The following JOSD2 variants were observed in gnomAD, a reference collection of about 807,000 sequenced individuals.
JOSD2 encodes josephin-2.
In JOSD2, 20 loss-of-function variants were observed where a neutral mutation model predicts 19.3. That is an observed-to-expected ratio of 1.04 (90% CI 0.73 to 1.51). The LOEUF is 1.51. Among genes scored for constraint, JOSD2 ranks in the 40% most tolerant of loss-of-function variants. The pLI, the probability that JOSD2 is intolerant of heterozygous loss-of-function variation, is 0.00. For synonymous variants in JOSD2, 118 were observed against 123.7 expected (o/e 0.95, Z 0.31); for missense variants, 215 against 250.4 (o/e 0.86, Z 0.95).
intron 3 of JOSD2, among the ~76,000 whole-genome samples, chr19:50,507,258 A>C (rs1979430945): frequency 7.0e-6 from 1 of 141,998 alleles, no homozygotes; most frequent in African/African-American, 2.7e-5. Flanking sequence ...CCAGCCGGCC[A>C]TCAAAACTTC....
intron 1 of JOSD2, among the ~76,000 whole-genome samples, chr19:50,510,896 C>G (rs974466027): frequency 9.2e-5 from 14 of 152,034 alleles, no homozygotes; most frequent in African/African-American, 2.7e-4. Flanking sequence ...CCCCTCTGGT[C>G]TCCTAGCAAC....
chr19:50,509,021 G>C (rs1225551099), intron 2 of JOSD2, among the ~76,000 whole-genome samples: 1 of 151,906 alleles, frequency 6.6e-6, no homozygotes, highest in Non-Finnish European at 1.5e-5. Flanking sequence ...CCATGGGCAG[G>C]CTGGGCAGGA....
At chr19:50,507,789 GC>G in intron 2 of JOSD2, 90 bp from the exon 3 acceptor site, 1 of 1,486,454 alleles carries the variant, frequency 6.7e-7, no homozygotes, top group Non-Finnish European at 9.1e-7. Context: ...AGTTGCCTCA[GC>G]CTTTGACTCT....
Position 50,506,056 on chromosome 19 carries a change from G to A in JOSD2, c.*117C>T. 1.1e-6 allele frequency: 1 copy of A among 912,090 alleles called. No individual in the cohort carries two copies. Among genetic ancestry groups the A allele is most frequent in the African/African-American group, 1.7e-5 (1 of 60,590 alleles). 56.5% of individuals were successfully genotyped at this position (912,090 alleles called of 1,614,324 possible). On this transcript the variant is annotated 3_prime_UTR_variant, in exon 5 of 5. Coordinates refer to ENST00000598418, the MANE Select transcript of JOSD2 (RefSeq NM_001270639.2). ...CGGCAGTGGGGAGCAGGGGTGTGGG[G>A]AGGGGGCGGGGCCTCCCCAGGGTCC...
chr19:50,507,302 T>C (rs564138499), intron 3 of JOSD2, among the ~76,000 whole-genome samples: 138 of 151,712 alleles, frequency 9.1e-4, no homozygotes, highest in African/African-American at 3.2e-3. Context: ...GCCTCCTGTC[T>C]GCTGCCCATT....
chr19:50,507,254 G>A (rs1248585378), intron 3 of JOSD2, among the ~76,000 whole-genome samples: 2 of 145,624 alleles, frequency 1.4e-5, no homozygotes, highest in African/African-American at 2.6e-5. Flanking sequence ...CTGGCCAGCC[G>A]GCCATCAAAA....
At chr19:50,510,066 A>AAAAAAAAAAAAG in intron 2 of JOSD2, 1 of 472,942 alleles carries the variant, frequency 2.1e-6, no homozygotes, top group Non-Finnish European at 3.8e-6. Context: ...AAAAAAAAAA[A>AAAAAAAAAAAAG]AGAAAGAACC....
intron 1 of JOSD2, 92 bp from the exon 2 acceptor site, chr19:50,510,540 G>A: frequency 7.9e-7 from 1 of 1,262,794 alleles, no homozygotes; most frequent in Non-Finnish European, 1.1e-6. Flanking sequence ...CATTGATTGA[G>A]CTGGGACTCG....
chr19:50,506,036 G>A lies in JOSD2; in HGVS notation c.*137C>T, dbSNP rs1979301470. 2 of 740,872 alleles carry A rather than the reference G, an allele frequency of 2.7e-6. No homozygotes were observed. Among genetic ancestry groups the A allele is most frequent in the Non-Finnish European group, 4.4e-6 (2 of 454,010 alleles). 45.9% of individuals were successfully genotyped at this position (740,872 alleles called of 1,614,324 possible). A position where few individuals can be genotyped will look rare whatever the true frequency, so the allele number is the denominator to read the frequency against. ...CAGATTTATTGAGGCAGCAGCGGCA[G>A]TGGGGAGCAGGGGTGTGGGGAGGGG... On this transcript the variant is annotated 3_prime_UTR_variant, in exon 5 of 5. Coordinates refer to ENST00000598418, the MANE Select transcript of JOSD2 (RefSeq NM_001270639.2).
chr19:50,506,970 C>A (rs1168509421), intron 3 of JOSD2, among the ~76,000 whole-genome samples: 1 of 151,270 alleles, frequency 6.6e-6, no homozygotes, highest in Non-Finnish European at 1.5e-5. Flanking sequence ...GCCAACTTCC[C>A]AATGACGATT....
At chr19:50,507,468 G>GC in intron 3 of JOSD2, 106 bp downstream of exon 3, 1 of 1,450,394 alleles carries the variant, frequency 6.9e-7, no homozygotes, top group Non-Finnish European at 9.2e-7. Context: ...CCACATTCAT[G>GC]CCAACCTCCC....
At chr19:50,507,500 C>T in intron 3 of JOSD2, 74 bp downstream of exon 3, 1 of 1,507,808 alleles carries the variant, frequency 6.6e-7, no homozygotes. Flanking sequence ...CCCCTCCCTG[C>T]CCCCCAACAG....
At position 50,511,160 on chromosome 19, in the gene JOSD2, C is replaced by T. The variant is rs1030659078; in HGVS notation, c.-61G>A. 4.5e-6 allele frequency: 2 copies of T among 448,626 alleles called. No individual in the cohort carries two copies. The highest frequency in any genetic ancestry group is 2.0e-5 in the African/African-American group (1 of 49,286). The allele number at this position is 448,626 out of a possible 1,614,324, so 27.8% of individuals were successfully genotyped here. Reference sequence around the variant, plus strand: ...CCACCGAGCCAGGGGTTTCCGCATCCCCTTCCTGGGCGGCGGCTCTGGGCT... The same window carrying T: ...CCACCGAGCCAGGGGTTTCCGCATCTCCTTCCTGGGCGGCGGCTCTGGGCT... On this transcript the variant is annotated 5_prime_UTR_variant, in exon 1 of 5. Transcript: ENST00000598418.
chr19:50,507,596 C>A lies in JOSD2; in HGVS notation c.250G>T (p.Ala84Ser). 1.2e-6 allele frequency: 2 copies of A among 1,607,622 alleles called. No individual in the cohort carries two copies. Among genetic ancestry groups the A allele is most frequent in the African/African-American group, 1.3e-5 (1 of 75,022 alleles). Reference protein sequence around the residue: ...MAALQGLGLAAVWWDRRRPLS... With the variant: ...MAALQGLGLASVWWDRRRPLS... ...TACCTCCTCCTGTCCCACCACACGG[C>A]GGCCAGGCCCAGCCCCTGCAGAGCG... The change falls in exon 3 of 5, where the codon GCC becomes TCC. Residue 84 changes from alanine (A) to serine (S), a missense_variant. Physicochemically the swap from Ala to Ser is moderately conservative, Grantham distance 99 (BLOSUM62 1). Coordinates refer to ENST00000598418, the MANE Select transcript of JOSD2 (RefSeq NM_001270639.2).
At chr19:50,509,737 C>G (rs1356784260) in intron 2 of JOSD2, among the ~76,000 whole-genome samples, 1 of 151,770 alleles carries the variant, frequency 6.6e-6, no homozygotes, top group African/African-American at 2.4e-5. Context: ...GAGTTCAAGA[C>G]CAGCCAGACC....
chr19:50,509,810 T>G (rs563061133), intron 2 of JOSD2, among the ~76,000 whole-genome samples: 1 of 151,338 alleles, frequency 6.6e-6, no homozygotes, highest in Admixed American at 6.6e-5. Context: ...TCCTAGCACT[T>G]TGGGAGGCCG....
chr19:50,510,499 C>A, intron 1 of JOSD2, 51 bp from the exon 2 acceptor site: 1 of 1,500,852 alleles, frequency 6.7e-7, no homozygotes, highest in South Asian at 1.3e-5. Context: ...ATCTAGAGGT[C>A]CAGCCTCCCA....
In JOSD2 at chr19:50,506,467, C is replaced by G; in HGVS notation, c.378G>C (p.Trp126Cys). ...LLSLPLRRRH[W>C]VALRQVDGVY... The stretch of plus-strand genomic sequence containing the variant: ...CACCGTCCACCTGGCGCAGGGCCAC[C>G]CAGTGCCGCCGGCGCAGCGGCAGTG... The change falls in exon 4 of 5, where the codon TGG becomes TGC. Residue 126 changes from tryptophan to cysteine, a missense_variant. Coordinates refer to ENST00000598418, the MANE Select transcript of JOSD2 (RefSeq NM_001270639.2). 1 of 1,582,440 alleles carries G rather than the reference C, an allele frequency of 6.3e-7. No homozygotes were observed. Among genetic ancestry groups the G allele is most frequent in the Non-Finnish European group, 8.6e-7 (1 of 1,165,612 alleles).
intron 2 of JOSD2, 112 bp from the exon 3 acceptor site, chr19:50,507,811 G>T (rs932940762): frequency 7.4e-7 from 1 of 1,352,058 alleles, no homozygotes; most frequent in South Asian, 1.4e-5. Context: ...CCCCGCTTCA[G>T]ACCCCACAAC....
Sources: gnomAD v4.1 joint callset for allele counts (sites outside exome capture counted in the v4.1 genomes callset) on GRCh38, gnomAD v4.1.1 for gene constraint, MANE v1.5 for transcripts, NCBI Gene and HGNC (gene_info 2026-07-23, HGNC 2026-07-21) for gene names.